Variants in CDK14 observed in about 807,000 individuals in gnomAD.
CDK14 encodes the protein cyclin-dependent kinase 14.
Under a neutral mutation model 60.7 loss-of-function variants are expected in CDK14, and 34 were observed. The ratio of observed to expected loss-of-function variants is 0.56; its 90% CI spans 0.43 to 0.75. The LOEUF (loss-of-function observed/expected upper bound fraction) is 0.75. Among genes scored for constraint, CDK14 ranks in the 30% least tolerant of loss-of-function variants. CDK14 has a pLI of 0.00. For missense variants in CDK14, 482 were observed against 564.1 expected (o/e 0.85, Z 1.47); for synonymous variants, 197 against 203.7 (o/e 0.97, Z 0.28).
At position 91,057,127 on chromosome 7, in the gene CDK14, T is replaced by A. The variant is rs13240543; in HGVS notation, c.1105+11167T>A. On this transcript the variant is annotated intron_variant, in intron 11 of 14. Coordinates refer to ENST00000380050, the MANE Select transcript of CDK14 (RefSeq NM_001287135.2). ...TAACTGGTGTGAGATGGTATCTCAT[T>A]GTGGTTTTGATTTGCATTTCTCTGA... Among the ~76,000 whole-genome samples the A allele has an allele frequency of 6.4e-3, 967 of 152,234 alleles. 12 individuals carry two copies. Among genetic ancestry groups the A allele is most frequent in the African/African-American group, 0.022 (924 of 41,514 alleles).
intron 4 of CDK14, among the ~76,000 whole-genome samples, chr7:90,770,656 CTGCTTCCTTTG>C (rs1406106308): frequency 1.3e-5 from 2 of 152,180 alleles, no homozygotes; most frequent in Non-Finnish European, 2.9e-5. Context: ...CATATCCTTA[CTGCTTCCTTTG>C]TTTCTGCTCT....
At chr7:91,039,142 C>T (rs1797013206) in intron 10 of CDK14, among the ~76,000 whole-genome samples, 1 of 152,124 alleles carries the variant, frequency 6.6e-6, no homozygotes, top group Non-Finnish European at 1.5e-5. Flanking sequence ...TTTGAAGTCT[C>T]AGTTTTAAGG....
chr7:90,704,907 T>A (rs1466334324), intron 2 of CDK14, among the ~76,000 whole-genome samples: 1 of 152,188 alleles, frequency 6.6e-6, no homozygotes, highest in East Asian at 1.9e-4. Flanking sequence ...AGTCATAAAG[T>A]TTTTAGGGTT....
At chr7:90,868,790 G>A (rs1393949690) in intron 6 of CDK14, among the ~76,000 whole-genome samples, 1 of 152,106 alleles carries the variant, frequency 6.6e-6, no homozygotes, top group Admixed American at 6.6e-5. Context: ...TATCGATGAG[G>A]AAAAATAATG....
In CDK14 at chr7:90,683,897, CGTGTGT is replaced by C. The variant is rs35197919; in HGVS notation, c.124-42639_124-42634del. Among the ~76,000 whole-genome samples the C allele has an allele frequency of 8.0e-3, 1,166 of 145,750 alleles. 15 individuals are homozygous for C. Among genetic ancestry groups the C allele is most frequent in the African/African-American group, 0.024 (955 of 39,580 alleles). On this transcript the variant is annotated intron_variant, in intron 2 of 14. Coordinates refer to ENST00000380050, the MANE Select transcript of CDK14 (RefSeq NM_001287135.2). ...TGAGCAGATAGAGCTAGAAAATGTA[CGTGTGT>C]GTGTGTGTGTGTGTGTGTGTGTGTG...
chr7:90,956,195 G>C (rs781091291), intron 9 of CDK14, among the ~76,000 whole-genome samples: 25 of 152,130 alleles, frequency 1.6e-4, no homozygotes, highest in Non-Finnish European at 3.1e-4. Context: ...GCTCTGATGA[G>C]TGGTCTGAAA....
rs148318065 is a variant in CDK14 at position 90,777,425 on chromosome 7, T to G, written c.465-13148T>G. ...AGACCAGGCAAAGGAAGAGAGGCAG[T>G]GAGAAGCTGGTGTTGGAACCTGAAG... On this transcript the variant is annotated intron_variant, in intron 4 of 14. Transcript: ENST00000380050. 2.4e-3 allele frequency among the ~76,000 whole-genome samples: 362 copies of G among 152,298 alleles called. 2 individuals are homozygous for G. The highest frequency in any genetic ancestry group is 7.8e-3 in the African/African-American group (325 of 41,570).
intron 2 of CDK14, chr7:90,692,752 T>C: frequency 1.4e-6 from 1 of 708,862 alleles, no homozygotes; most frequent in African/African-American, 1.9e-5. Flanking sequence ...AAATGACACA[T>C]ATTGTTATAT....
At chr7:90,847,837 G>T (rs1302158559) in intron 5 of CDK14, among the ~76,000 whole-genome samples, 3 of 152,116 alleles carry the variant, frequency 2.0e-5, no homozygotes, top group African/African-American at 7.2e-5. Flanking sequence ...TTTCTTAAAA[G>T]ATAAATTCCC....
chr7:90,910,033 G>C (rs1000949313), intron 7 of CDK14, among the ~76,000 whole-genome samples: 7 of 152,116 alleles, frequency 4.6e-5, no homozygotes, highest in Non-Finnish European at 7.4e-5. Context: ...AAATACACGT[G>C]GAAGGACTGA....
At position 90,743,444 on chromosome 7, in the gene CDK14, A is replaced by G. The variant is rs185730555; in HGVS notation, c.370-4237A>G. Among the ~76,000 whole-genome samples the G allele has an allele frequency of 2.8e-3, 429 of 152,266 alleles. 5 individuals carry two copies. The highest frequency in any genetic ancestry group is 9.3e-3 in the African/African-American group (388 of 41,568). ...TGAGCTCATCTTTGTGACCTAATCT[A>G]TGATTTTTTTTGGTGAATTTTAGAT... On this transcript the variant is annotated intron_variant, in intron 3 of 14. Transcript: ENST00000380050.
chr7:91,082,526 A>C (rs1798510941), intron 12 of CDK14, among the ~76,000 whole-genome samples: 1 of 152,208 alleles, frequency 6.6e-6, no homozygotes, highest in Non-Finnish European at 1.5e-5. Flanking sequence ...TGTGTAGTAA[A>C]TACAGAGACA....
chr7:90,672,875 G>A (rs561083460), intron 2 of CDK14, among the ~76,000 whole-genome samples: 3 of 151,810 alleles, frequency 2.0e-5, no homozygotes, highest in South Asian at 2.1e-4. Context: ...TTTACCTTTC[G>A]GCTATTATGA....
intron 2 of CDK14, among the ~76,000 whole-genome samples, chr7:90,627,027 T>A (rs1475150006): frequency 6.6e-6 from 1 of 152,090 alleles, no homozygotes; most frequent in Non-Finnish European, 1.5e-5. Flanking sequence ...ACTTTACTTT[T>A]ATTATACTTG....
intron 5 of CDK14, among the ~76,000 whole-genome samples, chr7:90,812,314 G>A (rs1032624828): frequency 5.9e-5 from 9 of 152,302 alleles, no homozygotes; most frequent in Middle Eastern, 3.4e-3. Context: ...CATGTCTTTT[G>A]TATGGACATG....
Position 91,207,328 on chromosome 7 carries a change from C to T in CDK14, c.*192C>T, listed in dbSNP as rs12538034. On this transcript the variant is annotated 3_prime_UTR_variant, in exon 15 of 15. Transcript: ENST00000380050. ...TGTTTTCTCTGCAATTTATTTAAAA[C>T]CTTGCACGCATTTGGATACCTTGTG... 0.11 allele frequency: 16,872 copies of T among 152,246 alleles called. 1,250 individuals carry two copies. Among genetic ancestry groups the T allele is most frequent in the South Asian group, 0.2 (954 of 4,820 alleles). The allele number at this position is 152,246 out of a possible 1,614,324, so 9.4% of individuals were successfully genotyped here.
At chr7:90,911,492 C>A (rs753957060) in intron 7 of CDK14, among the ~76,000 whole-genome samples, 2 of 152,144 alleles carry the variant, frequency 1.3e-5, no homozygotes, top group Non-Finnish European at 2.9e-5. Flanking sequence ...TCTTAATCTT[C>A]TGAAAGCCCT....
intron 2 of CDK14, among the ~76,000 whole-genome samples, chr7:90,694,706 CA>C (rs1801621263): frequency 6.6e-6 from 1 of 152,000 alleles, no homozygotes; most frequent in Non-Finnish European, 1.5e-5. Context: ...AATTTGTGTG[CA>C]TTAATTAAGG....
chr7:91,027,209 C>T (rs1691651228), intron 10 of CDK14, among the ~76,000 whole-genome samples: 1 of 152,178 alleles, frequency 6.6e-6, no homozygotes, highest in Non-Finnish European at 1.5e-5. Flanking sequence ...TAAAGTATAA[C>T]ATGTAGTTAA....
Sources: gnomAD v4.1 joint callset for allele counts (sites outside exome capture counted in the v4.1 genomes callset) on GRCh38, gnomAD v4.1.1 for gene constraint, MANE v1.5 for transcripts, NCBI Gene and HGNC (gene_info 2026-07-23, HGNC 2026-07-21) for gene names.